The following DPP10 variants were observed in gnomAD, a reference collection of about 807,000 sequenced individuals.
DPP10 encodes dipeptidyl peptidase like 10.
Under a neutral mutation model 120.9 loss-of-function variants are expected in DPP10, and 33 were observed. The observed-to-expected ratio is 0.27, with a 90% CI of 0.21 to 0.37. The LOEUF (loss-of-function observed/expected upper bound fraction) is 0.37, where lower values mean the gene tolerates loss of function less well. Ranked by LOEUF, DPP10 falls within the 10% of genes least tolerant of loss-of-function variation. The probability of loss-of-function intolerance (pLI) is 1.00; values close to 1 mark genes in which losing one functional copy is unlikely to be tolerated. For missense variants in DPP10, 816 were observed against 942.8 expected (o/e 0.87, Z 1.76); for synonymous variants, 337 against 326.1 (o/e 1.03, Z -0.36).
At chr2:115,702,087 G>A (rs760008489) in intron 7 of DPP10, among the ~76,000 whole-genome samples, 2 of 151,828 alleles carry the variant, frequency 1.3e-5, no homozygotes, top group African/African-American at 2.4e-5. Context: ...TACACAATAG[G>A]GACATGTATA....
At chr2:114,498,175 G>C (rs1682845737) in intron 1 of DPP10, among the ~76,000 whole-genome samples, 1 of 152,062 alleles carries the variant, frequency 6.6e-6, no homozygotes, top group Non-Finnish European at 1.5e-5. Flanking sequence ...TTTTATGGTA[G>C]GACATTTGAA....
At chr2:114,532,157 T>C (rs1250424052) in intron 1 of DPP10, among the ~76,000 whole-genome samples, 2 of 150,460 alleles carry the variant, frequency 1.3e-5, no homozygotes, top group Non-Finnish European at 3.0e-5. Context: ...CAGACTGAGT[T>C]ACACCACCAG....
intron 1 of DPP10, among the ~76,000 whole-genome samples, chr2:114,853,486 C>T (rs999450887): frequency 1.3e-5 from 2 of 151,926 alleles, no homozygotes; most frequent in Non-Finnish European, 2.9e-5. Context: ...GAAGTTCACC[C>T]ATGGCCCATG....
chr2:114,862,913 ACC>A (rs70941011), intron 1 of DPP10, among the ~76,000 whole-genome samples: 5 of 126,350 alleles, frequency 4.0e-5, no homozygotes, highest in Admixed American at 8.0e-5. Context: ...AAAAAAAAAA[ACC>A]CCTCTTCTTT....
intron 1 of DPP10, among the ~76,000 whole-genome samples, chr2:115,068,561 T>A (rs1488718089): frequency 1.3e-5 from 2 of 152,218 alleles, no homozygotes; most frequent in South Asian, 2.1e-4. Context: ...ATACAGAAGC[T>A]TTTTAGTTGA....
intron 1 of DPP10, among the ~76,000 whole-genome samples, chr2:114,584,877 A>G (rs1216148099): frequency 6.6e-6 from 1 of 152,140 alleles, no homozygotes; most frequent in Non-Finnish European, 1.5e-5. Context: ...TGAAGACTTG[A>G]ACATTATGTG....
chr2:115,542,820 G>A (rs1014147343), intron 5 of DPP10, among the ~76,000 whole-genome samples: 14 of 151,750 alleles, frequency 9.2e-5, no homozygotes, highest in Admixed American at 8.6e-4. Flanking sequence ...TTCCCATGAC[G>A]TTACTTCTAA....
At chr2:115,030,709 T>G (rs1051907906) in intron 1 of DPP10, among the ~76,000 whole-genome samples, 7 of 152,146 alleles carry the variant, frequency 4.6e-5, no homozygotes, top group Non-Finnish European at 1.0e-4. Context: ...CATCATTCAG[T>G]TCCCACTTAT....
At chr2:115,754,238 A>C (rs1679113812) in intron 11 of DPP10, among the ~76,000 whole-genome samples, 1 of 152,122 alleles carries the variant, frequency 6.6e-6, no homozygotes, top group Admixed American at 6.6e-5. Flanking sequence ...GGTGACTAGC[A>C]TTTATAGGAC....
At chr2:115,440,993 A>G (rs2071988542) in intron 3 of DPP10, 1 of 152,156 alleles carries the variant, frequency 6.6e-6, no homozygotes, top group Admixed American at 6.6e-5. Context: ...CTTGTAAATT[A>G]TGGGGTCAAT....
intron 1 of DPP10, among the ~76,000 whole-genome samples, chr2:114,921,688 T>C (rs1466906461): frequency 1.3e-5 from 2 of 152,234 alleles, no homozygotes; most frequent in Non-Finnish European, 2.9e-5. Context: ...TGTATTCATC[T>C]GGCTTTATTG....
At chr2:115,783,700 T>C (rs1205195417) in intron 17 of DPP10, among the ~76,000 whole-genome samples, 1 of 152,126 alleles carries the variant, frequency 6.6e-6, no homozygotes, top group Admixed American at 6.6e-5. Flanking sequence ...ATCAAATATA[T>C]TCAATATTAA....
At chr2:115,087,540 T>TC (rs1014213428) in intron 1 of DPP10, among the ~76,000 whole-genome samples, 4 of 132,284 alleles carry the variant, frequency 3.0e-5, no homozygotes, top group South Asian at 4.9e-4. Context: ...TTTCTTTTCT[T>TC]TTTTTTTTTT....
chr2:115,279,687 A>T (rs2060078619), intron 1 of DPP10, among the ~76,000 whole-genome samples: 1 of 33,572 alleles, frequency 3.0e-5, no homozygotes, highest in Non-Finnish European at 5.4e-5. Context: ...TTTTTTGGAG[A>T]CAGGATTTCT....
At chr2:114,570,209 G>T (rs1461779692) in intron 1 of DPP10, among the ~76,000 whole-genome samples, 2 of 152,008 alleles carry the variant, frequency 1.3e-5, no homozygotes, top group African/African-American at 4.8e-5. Context: ...GAGAGACCAG[G>T]TTTGTCACCA....
At chr2:114,942,364 T>C (rs74182889) in intron 1 of DPP10, among the ~76,000 whole-genome samples, 1 of 100,218 alleles carries the variant, frequency 1.0e-5, no homozygotes, top group African/African-American at 4.0e-5. Flanking sequence ...TATATATACA[T>C]ATATATACAC....
intron 1 of DPP10, among the ~76,000 whole-genome samples, chr2:114,680,398 T>A (rs1698951459): frequency 6.6e-6 from 1 of 151,938 alleles, no homozygotes; most frequent in Admixed American, 6.6e-5. Context: ...TTTAAGAGCT[T>A]TGAGAGTAGA....
chr2:115,056,619 A>G (rs1705937978), intron 1 of DPP10, among the ~76,000 whole-genome samples: 1 of 152,048 alleles, frequency 6.6e-6, no homozygotes. Context: ...TAAACCCCCA[A>G]AAGTGCTGGG....
intron 1 of DPP10, among the ~76,000 whole-genome samples, chr2:114,447,347 T>C (rs2104525262): frequency 6.6e-6 from 1 of 152,300 alleles, no homozygotes; most frequent in South Asian, 2.1e-4. Context: ...CTGACAAACC[T>C]GCGTTTCACA....
Sources: allele counts gnomAD v4.1 joint callset (sites outside exome capture counted in the v4.1 genomes callset), GRCh38; gene constraint gnomAD v4.1.1; transcripts MANE v1.5; gene names NCBI Gene and HGNC (gene_info 2026-07-23, HGNC 2026-07-21).